ST3GAL3: variants seen among roughly 807,000 people sequenced by gnomAD.
The protein encoded by ST3GAL3 is CMP-N-acetylneuraminate-beta-1,4-galactoside alpha-2,3-sialyltransferase.
In ST3GAL3, 21 loss-of-function variants were observed where a neutral mutation model predicts 50.1. That is an observed-to-expected ratio of 0.42 (90% confidence interval 0.30 to 0.60). The LOEUF is 0.60. Ranked by LOEUF, ST3GAL3 falls within the 20% of genes least tolerant of loss-of-function variation. The pLI is 0.19. For missense variants in ST3GAL3, 353 were observed against 489.4 expected (o/e 0.72, Z 2.63); for synonymous variants, 183 against 190.0 (o/e 0.96, Z 0.30).
chr1:43,865,839 G>A (rs140534215), intron 5 of ST3GAL3, among the ~76,000 whole-genome samples: 228 of 152,334 alleles, frequency 1.5e-3, no homozygotes, highest in African/African-American at 5.2e-3. Flanking sequence ...GGTGATTGCT[G>A]ACTCACCATC....
At chr1:43,802,148 A>G (rs1573132986) in intron 3 of ST3GAL3, among the ~76,000 whole-genome samples, 1 of 152,350 alleles carries the variant, frequency 6.6e-6, no homozygotes, top group Non-Finnish European at 1.5e-5. Flanking sequence ...TTCGGTGTTC[A>G]TAAATTTTTA....
At chr1:43,725,557 T>A (rs1019451866) in intron 1 of ST3GAL3, among the ~76,000 whole-genome samples, 1 of 152,316 alleles carries the variant, frequency 6.6e-6, no homozygotes, top group Middle Eastern at 3.4e-3. Flanking sequence ...CAGAATTCTC[T>A]GTCTTAAATC....
At chr1:43,870,691 G>A (rs1323194004) in intron 5 of ST3GAL3, among the ~76,000 whole-genome samples, 1 of 152,188 alleles carries the variant, frequency 6.6e-6, no homozygotes, top group Non-Finnish European at 1.5e-5. Context: ...GCCAGGACCT[G>A]TGGTTTGTGC....
intron 2 of ST3GAL3, among the ~76,000 whole-genome samples, chr1:43,756,998 G>T (rs1015760384): frequency 5.3e-5 from 8 of 152,026 alleles, no homozygotes; most frequent in South Asian, 2.1e-4. Context: ...TCTGCCTCCC[G>T]GTTCAAGTGA....
At chr1:43,835,987 G>T (rs2064266479) in intron 4 of ST3GAL3, among the ~76,000 whole-genome samples, 1 of 152,202 alleles carries the variant, frequency 6.6e-6, no homozygotes, top group Non-Finnish European at 1.5e-5. Context: ...TGGTGGCAGT[G>T]CCCTGTTAAG....
chr1:43,823,692 T>C (rs936674198), intron 4 of ST3GAL3, among the ~76,000 whole-genome samples: 51 of 152,250 alleles, frequency 3.3e-4, no homozygotes, highest in African/African-American at 1.2e-3. Flanking sequence ...TCTTCTGTTT[T>C]GTTCCCTACT....
At chr1:43,842,513 A>AT in intron 5 of ST3GAL3, 1 of 151,972 alleles carries the variant, frequency 6.6e-6, no homozygotes, top group East Asian at 1.9e-4. Flanking sequence ...AGTCTCAGAT[A>AT]TTTTTTTTAG....
At chr1:43,854,327 T>C (rs992359219) in intron 5 of ST3GAL3, among the ~76,000 whole-genome samples, 1 of 152,198 alleles carries the variant, frequency 6.6e-6, no homozygotes, top group East Asian at 1.9e-4. Context: ...CAAAAAGCAC[T>C]GACAAATCCG....
At chr1:43,841,587 AG>A (rs1272615062) in intron 5 of ST3GAL3, 2 of 152,224 alleles carry the variant, frequency 1.3e-5, no homozygotes, top group Non-Finnish European at 2.9e-5. Context: ...GAAGTTGCAT[AG>A]GGGTGAGGCC....
chr1:43,756,341 CA>C (rs1688105072), intron 2 of ST3GAL3, among the ~76,000 whole-genome samples: 1 of 151,936 alleles, frequency 6.6e-6, no homozygotes, highest in East Asian at 1.9e-4. Context: ...CAAACGGACA[CA>C]AAAAATTTTT....
chr1:43,881,022 T>C (rs2075028455), intron 5 of ST3GAL3, among the ~76,000 whole-genome samples: 1 of 152,104 alleles, frequency 6.6e-6, no homozygotes, highest in Non-Finnish European at 1.5e-5. Flanking sequence ...TTTTTTTTTT[T>C]TCCTTTGAGA....
chr1:43,873,177 T>G (rs989737218), intron 5 of ST3GAL3, among the ~76,000 whole-genome samples: 1 of 152,178 alleles, frequency 6.6e-6, no homozygotes, highest in Admixed American at 6.5e-5. Context: ...GAGGCTATTG[T>G]GACCTACAGG....
intron 4 of ST3GAL3, chr1:43,824,652 G>A (rs756051034): frequency 2.5e-6 from 4 of 1,582,036 alleles, no homozygotes. Flanking sequence ...ATTTTTCACA[G>A]CCCACTGTTC....
intron 5 of ST3GAL3, chr1:43,878,994 AAGCAAT>A (rs1432346960): frequency 4.4e-6 from 2 of 455,826 alleles, no homozygotes; most frequent in Non-Finnish European, 8.8e-6. Context: ...GGGAGACAGG[AAGCAAT>A]GCACAAAGAG....
In ST3GAL3 at chr1:43,894,807, G is replaced by A. The variant is rs551309716; in HGVS notation, c.397+330G>A. Among the ~76,000 whole-genome samples the A allele has an allele frequency of 1.2e-4, 18 of 151,790 alleles. No homozygotes were observed. The South Asian group carries it at 1.2e-3, about 11-fold the overall frequency. ...ACCATGCCTGGCTTATTTTTTCTTCGTATTTTTAGTAGAGACAGGGTTTTA... is the reference window on the plus strand; with the variant it reads ...ACCATGCCTGGCTTATTTTTTCTTCATATTTTTAGTAGAGACAGGGTTTTA... On this transcript the variant is annotated intron_variant, in intron 6 of 11. Coordinates refer to ENST00000347631, the MANE Select transcript of ST3GAL3 (RefSeq NM_006279.5).
At chr1:43,884,355 C>T (rs2075637793) in intron 5 of ST3GAL3, among the ~76,000 whole-genome samples, 1 of 152,220 alleles carries the variant, frequency 6.6e-6, no homozygotes, top group Non-Finnish European at 1.5e-5. Context: ...CCCATAGGAC[C>T]CATCTCCCAT....
intron 1 of ST3GAL3, among the ~76,000 whole-genome samples, chr1:43,719,911 C>G (rs1224633313): frequency 8.7e-6 from 1 of 115,332 alleles, no homozygotes; most frequent in Non-Finnish European, 1.6e-5. Flanking sequence ...CCAGCCTGAG[C>G]AACAGAGCAA....
At chr1:43,789,413 G>A (rs1287426594) in intron 2 of ST3GAL3, among the ~76,000 whole-genome samples, 1 of 152,130 alleles carries the variant, frequency 6.6e-6, no homozygotes, top group Non-Finnish European at 1.5e-5. Context: ...TTGTGATGAT[G>A]GTTATGGAGC....
intron 3 of ST3GAL3, chr1:43,799,596 G>A (rs1326784640): frequency 1.3e-5 from 2 of 152,166 alleles, no homozygotes; most frequent in Non-Finnish European, 2.9e-5. Flanking sequence ...TCCTAGGGGT[G>A]GAGCCCTCAT....
Sources: gnomAD v4.1 joint callset for allele counts (sites outside exome capture counted in the v4.1 genomes callset) on GRCh38, gnomAD v4.1.1 for gene constraint, MANE v1.5 for transcripts, NCBI Gene and HGNC (gene_info 2026-07-23, HGNC 2026-07-21) for gene names.